The following INSYN2A variants were observed in gnomAD, a reference collection of about 807,000 sequenced individuals.
INSYN2A encodes family with sequence similarity 196 member A.
A neutral mutation model predicts 39.4 loss-of-function variants in INSYN2A; 17 were observed. That is an observed-to-expected ratio of 0.43 (90% CI 0.30 to 0.65). The LOEUF (loss-of-function observed/expected upper bound fraction) is 0.65, where lower values mean the gene tolerates loss of function less well. Among genes scored for constraint, INSYN2A ranks in the 30% least tolerant of loss-of-function variants. The pLI, the probability that INSYN2A is intolerant of heterozygous loss-of-function variation, is 0.14. For synonymous variants in INSYN2A, 255 were observed against 265.7 expected, an observed-to-expected ratio of 0.96 and a Z score of 0.39; for missense variants, 595 against 631.2, an observed-to-expected ratio of 0.94 and a Z score of 0.61.
chr10:127,149,006 A>G (rs546862410), intron 5 of INSYN2A, among the ~76,000 whole-genome samples: 24 of 152,316 alleles, frequency 1.6e-4, no homozygotes, highest in African/African-American at 4.6e-4. Flanking sequence ...GAGGAAGCCC[A>G]TCAATCCTCT....
Position 127,175,444 on chromosome 10 carries a change from A to C in INSYN2A, c.952T>G (p.Cys318Gly). ...SPPMQCLSPECSEQPSQTHTP... is the reference protein window; with the variant it reads ...SPPMQCLSPEGSEQPSQTHTP... Reference sequence around the variant, plus strand: ...TGAGTCTGCGACGGCTGCTCACTACATTCGGGGGACAGGCACTGCATCGGG... The same window carrying C: ...TGAGTCTGCGACGGCTGCTCACTACCTTCGGGGGACAGGCACTGCATCGGG... The change falls in exon 4 of 6, where the codon TGT (cysteine) becomes GGT (glycine). Residue 318 changes from cysteine (C) to glycine (G), a missense_variant. This residue lies in a region of INSYN2A where 478 missense variants were observed against 467.4 expected (regional missense o/e 1.02). Coordinates refer to ENST00000522781, the MANE Select transcript of INSYN2A (RefSeq NM_001039762.3). The surrounding 1 kb of genome is among the most constrained non-coding windows in gnomAD (Gnocchi z 6.3). 1 of 1,612,150 alleles carries C rather than the reference A, an allele frequency of 6.2e-7. No homozygotes were observed. The highest frequency in any genetic ancestry group is 1.3e-5 in the African/African-American group (1 of 75,048).
intron 4 of INSYN2A, among the ~76,000 whole-genome samples, chr10:127,156,308 G>A (rs932281873): frequency 1.2e-4 from 18 of 152,132 alleles, no homozygotes; most frequent in African/African-American, 4.1e-4. Context: ...TTATTCTTAG[G>A]CCCCAGGCTT....
intron 4 of INSYN2A, among the ~76,000 whole-genome samples, chr10:127,166,069 A>G (rs1405602949): frequency 6.6e-6 from 1 of 151,580 alleles, no homozygotes; most frequent in Non-Finnish European, 1.5e-5. Context: ...TTTCTTATTT[A>G]TTTATTTATT....
chr10:127,181,774 C>T (rs2055758920), intron 2 of INSYN2A, among the ~76,000 whole-genome samples: 1 of 152,144 alleles, frequency 6.6e-6, no homozygotes, highest in Non-Finnish European at 1.5e-5. Context: ...AAAATAGAAC[C>T]TCACTCACTA....
intron 5 of INSYN2A, among the ~76,000 whole-genome samples, chr10:127,146,900 G>A (rs573799001): frequency 2.9e-4 from 44 of 152,262 alleles, no homozygotes; most frequent in Admixed American, 1.1e-3. Flanking sequence ...GGAGGTGCCC[G>A]GTTCTGCCGG....
rs1215804752 is a variant in INSYN2A, at chr10:127,152,253, G to A, written c.1256+1599C>T. On this transcript the variant is annotated intron_variant, in intron 5 of 5. Transcript: ENST00000522781. ...AGGGTCATTTTATGTCAGTGTTACA[G>A]CCCTTTGTTGTTGATTCAAAATTCT... 2.6e-5 allele frequency among the ~76,000 whole-genome samples: 4 copies of A among 152,188 alleles called. No homozygotes were observed. The East Asian group carries it at 7.7e-4, about 29-fold the overall frequency.
intron 4 of INSYN2A, among the ~76,000 whole-genome samples, chr10:127,172,531 T>C (rs922583229): frequency 6.6e-6 from 1 of 152,094 alleles, no homozygotes. Flanking sequence ...GGTGGGAAAT[T>C]TGAATTTCAG....
intron 2 of INSYN2A, among the ~76,000 whole-genome samples, chr10:127,187,227 A>C (rs187398283): frequency 2.0e-5 from 3 of 152,298 alleles, no homozygotes; most frequent in East Asian, 3.9e-4. Context: ...CTATCTTTTT[A>C]TCTCTCCAGC....
chr10:127,169,743 C>T (rs144273903), intron 4 of INSYN2A, among the ~76,000 whole-genome samples: 1 of 152,296 alleles, frequency 6.6e-6, no homozygotes, highest in African/African-American at 2.4e-5. Context: ...GGAGCTGACC[C>T]TGAGCCCCTG....
intron 4 of INSYN2A, among the ~76,000 whole-genome samples, chr10:127,165,349 C>G (rs1480659341): frequency 1.3e-5 from 2 of 152,158 alleles, no homozygotes; most frequent in African/African-American, 4.8e-5. Flanking sequence ...TGTCTCAGAG[C>G]TCTTGTTGCC....
At chr10:127,147,950 C>T (rs938504819) in intron 5 of INSYN2A, among the ~76,000 whole-genome samples, 2 of 141,612 alleles carry the variant, frequency 1.4e-5, no homozygotes, top group African/African-American at 5.2e-5. Flanking sequence ...AGAATTGCTT[C>T]AACCCAGGAG....
intron 4 of INSYN2A, among the ~76,000 whole-genome samples, chr10:127,162,148 A>G (rs2053644496): frequency 6.6e-6 from 1 of 152,202 alleles, no homozygotes; most frequent in Admixed American, 6.5e-5. Context: ...GTCAGGTGGT[A>G]AAGCTGATCC....
chr10:127,166,968 A>T (rs2133774098), intron 4 of INSYN2A, among the ~76,000 whole-genome samples: 1 of 152,290 alleles, frequency 6.6e-6, no homozygotes. Context: ...CATTCTGCAC[A>T]GGAAGATTAT....
In INSYN2A at chr10:127,175,682, C is replaced by T; in HGVS notation, c.714G>A (p.Glu238=). The T allele has an allele frequency of 6.2e-7, 1 of 1,613,800 alleles. No homozygotes were observed. Among genetic ancestry groups the T allele is most frequent in the African/African-American group, 1.3e-5 (1 of 75,034 alleles). ...TCCTGAGGGCAGGTGGAGCGGGCTC[C>T]TCGGAGTTTGGCCTCCCCCGGTCCT... ...AKQDRGRPNS[E]EPAPPALRRV... is the part of the protein sequence containing the mutation. The change falls in exon 4 of 6, where the codon GAG becomes GAA. Residue 238 remains glutamate (E), a synonymous_variant. Coordinates refer to ENST00000522781, the MANE Select transcript of INSYN2A (RefSeq NM_001039762.3). The surrounding 1 kb of genome is among the most constrained non-coding windows in gnomAD (Gnocchi z 6.3).
intron 5 of INSYN2A, among the ~76,000 whole-genome samples, chr10:127,147,501 T>C (rs1381537308): frequency 6.6e-6 from 1 of 152,110 alleles, no homozygotes; most frequent in Non-Finnish European, 1.5e-5. Flanking sequence ...GGCTCTCACC[T>C]TCCATACAGA....
At chr10:127,174,852 C>T (rs757719321) in intron 4 of INSYN2A, among the ~76,000 whole-genome samples, 7 of 152,176 alleles carry the variant, frequency 4.6e-5, no homozygotes, top group Non-Finnish European at 7.3e-5. Context: ...TCCTGATTCT[C>T]TTCTTATTTA....
chr10:127,150,318 C>T (rs181578770), intron 5 of INSYN2A, among the ~76,000 whole-genome samples: 31 of 152,298 alleles, frequency 2.0e-4, no homozygotes, highest in Non-Finnish European at 3.7e-4. Flanking sequence ...GGTCATCCAG[C>T]TCAATCCCCA....
At chr10:127,141,128 C>T (rs2051200785) in intron 5 of INSYN2A, among the ~76,000 whole-genome samples, 1 of 152,232 alleles carries the variant, frequency 6.6e-6, no homozygotes, top group African/African-American at 2.4e-5. Context: ...CCTTGGCCCA[C>T]TGTTTCTCAG....
chr10:127,146,499 A>C (rs2051866247), intron 5 of INSYN2A, among the ~76,000 whole-genome samples: 1 of 152,218 alleles, frequency 6.6e-6, no homozygotes, highest in South Asian at 2.1e-4. Flanking sequence ...AAGAATTTAG[A>C]GATCTGTCAG....
Sources: gnomAD v4.1 joint callset for allele counts (sites outside exome capture counted in the v4.1 genomes callset) on GRCh38, gnomAD v4.1.1 for gene constraint, gnomAD v4.1.1 regional missense constraint, Gnocchi (gnomAD v3.1) non-coding constraint, MANE v1.5 for transcripts, NCBI Gene and HGNC (gene_info 2026-07-23, HGNC 2026-07-21) for gene names.